BICDL1: variants seen among roughly 807,000 people sequenced by gnomAD.
BICDL1 encodes BICD family-like cargo adapter 1.
Under a neutral mutation model 76.8 loss-of-function variants are expected in BICDL1, and 20 were observed. That is an observed-to-expected ratio of 0.26 (90% CI 0.18 to 0.38). BICDL1 has a LOEUF of 0.38. Ranked by LOEUF, BICDL1 falls within the 10% of genes least tolerant of loss-of-function variation. The probability of loss-of-function intolerance (pLI) is 1.00; values close to 1 mark genes in which losing one functional copy is unlikely to be tolerated. For missense variants in BICDL1, 700 were observed against 798.6 expected (o/e 0.88, Z 1.49); for synonymous variants, 383 against 337.1 (o/e 1.14, Z -1.49).
chr12:119,998,515 A>T lies in BICDL1; in HGVS notation c.430-6A>T. 6.3e-7 allele frequency: 1 copy of T among 1,594,190 alleles called. No individual in the cohort carries two copies. Among genetic ancestry groups the T allele is most frequent in the Non-Finnish European group, 8.5e-7 (1 of 1,171,414 alleles). On this transcript the variant is annotated splice_region_variant and splice_polypyrimidine_tract_variant and intron_variant, in intron 1 of 9. Transcript: ENST00000548673. Reference sequence around the variant, plus strand: ...CAGTGTTTAAATCCCTTCACTTTTCACCCAGCACTTAGAGCAAGAGAAACA... The same window carrying T: ...CAGTGTTTAAATCCCTTCACTTTTCTCCCAGCACTTAGAGCAAGAGAAACA...
intron 9 of BICDL1, chr12:120,092,509 T>C: frequency 1.0e-6 from 1 of 985,362 alleles, no homozygotes; most frequent in Non-Finnish European, 1.2e-6. Flanking sequence ...CAGGCTGGAA[T>C]AATTGGAAAG....
intron 2 of BICDL1, among the ~76,000 whole-genome samples, chr12:120,047,240 A>G (rs571919624): frequency 2.6e-5 from 4 of 152,234 alleles, no homozygotes; most frequent in African/African-American, 9.6e-5. Context: ...TTCCCTCACA[A>G]TTGTTAGGGC....
chr12:120,062,888 C>T (rs976490464), intron 3 of BICDL1, among the ~76,000 whole-genome samples: 1 of 152,174 alleles, frequency 6.6e-6, no homozygotes, highest in Non-Finnish European at 1.5e-5. Context: ...CCTCTTTCCT[C>T]ACCCGTTCAT....
intron 2 of BICDL1, among the ~76,000 whole-genome samples, chr12:120,044,850 G>A (rs866854170): frequency 6.6e-5 from 10 of 152,152 alleles, no homozygotes; most frequent in East Asian, 1.9e-4. Flanking sequence ...TGATGCCTCC[G>A]GCTTTGTTCT....
chr12:120,062,741 G>T (rs1420701162), intron 3 of BICDL1, among the ~76,000 whole-genome samples: 1 of 152,028 alleles, frequency 6.6e-6, no homozygotes, highest in African/African-American at 2.4e-5. Context: ...ATGCCTACTG[G>T]TATTGAGCAG....
chr12:119,989,316 CGCCGCT>C lies in BICDL1; in HGVS notation c.-550_-545del, dbSNP rs1566194258. Among the ~76,000 whole-genome samples the C allele has an allele frequency of 1.3e-5, 2 of 150,660 alleles. No homozygotes were observed. The highest frequency in any genetic ancestry group is 4.8e-5 in the African/African-American group (2 of 41,248). ...CTGCAGCAGCAGCAGCCGCCGTCGC[CGCCGCT>C]GCTGCTGGGGCTGCCGCGGAGCCGG... On this transcript the variant is annotated 5_prime_UTR_variant, in exon 1 of 10. Transcript: ENST00000548673.
intron 5 of BICDL1, 49 bp from the exon 6 acceptor site, chr12:120,072,462 A>G (rs761379436): frequency 1.3e-6 from 2 of 1,551,972 alleles, no homozygotes; most frequent in Admixed American, 1.7e-5. Context: ...ATGGCCAGGT[A>G]GCAGTCTTCT....
intron 2 of BICDL1, among the ~76,000 whole-genome samples, chr12:120,040,978 C>T (rs1477571490): frequency 6.6e-6 from 1 of 152,046 alleles, no homozygotes; most frequent in Non-Finnish European, 1.5e-5. Flanking sequence ...AACTCCTGAC[C>T]TCAAGTCATC....
intron 2 of BICDL1, among the ~76,000 whole-genome samples, chr12:120,032,214 A>G (rs575205271): frequency 2.7e-4 from 41 of 152,348 alleles, no homozygotes; most frequent in Non-Finnish European, 4.6e-4. Flanking sequence ...TGAGAAAATG[A>G]GTCCAGAATA....
Position 119,989,860 on chromosome 12 carries a change from G to T in BICDL1, c.-9G>T, listed in dbSNP as rs1238834493. 1.3e-5 allele frequency: 17 copies of T among 1,341,230 alleles called. 1 individual carries two copies. In the South Asian group the frequency reaches 2.1e-4, roughly 17 times the overall value. The allele number at this position is 1,341,230 out of a possible 1,614,324, so 83.1% of individuals were successfully genotyped here. On this transcript the variant is annotated 5_prime_UTR_variant, in exon 1 of 10. Coordinates refer to ENST00000548673, the MANE Select transcript of BICDL1 (RefSeq NM_001367886.1). ...GGCCGCACCGCTGCGGGCTCCGCGC[G>T]CGCGGGCCATGTCCGCTTTCTGCCT...
chr12:120,092,898 TTCTCATC>T (rs1875104819), intron 9 of BICDL1, 95 bp from the exon 10 acceptor site: 3 of 1,470,302 alleles, frequency 2.0e-6, no homozygotes. Flanking sequence ...ACTCATCACA[TTCTCATC>T]TCTCATCTGT....
At position 120,061,692 on chromosome 12, in the gene BICDL1, A is replaced by G; in HGVS notation, c.646-18A>G. The G allele has an allele frequency of 6.5e-7, 1 of 1,545,134 alleles. No homozygotes were observed. The highest frequency in any genetic ancestry group is 2.2e-5 in the East Asian group (1 of 44,602). On this transcript the variant is annotated intron_variant, in intron 2 of 9. Coordinates refer to ENST00000548673, the MANE Select transcript of BICDL1 (RefSeq NM_001367886.1). ...TGCATAACCTCCGAATCAGCTCTGCAGGTCTCCTCTGTTTCAGGCATCAGA... is the reference window on the plus strand; with the variant it reads ...TGCATAACCTCCGAATCAGCTCTGCGGGTCTCCTCTGTTTCAGGCATCAGA...
In BICDL1 at chr12:120,072,612, C is replaced by T; in HGVS notation, c.1191C>T (p.Ser397=). 1 of 1,614,220 alleles carries T rather than the reference C, an allele frequency of 6.2e-7. No individual in the cohort carries two copies. The highest frequency in any genetic ancestry group is 8.5e-7 in the Non-Finnish European group (1 of 1,180,036). The change falls in exon 6 of 10, where the codon TCC becomes TCT. Residue 397 remains serine (S), a synonymous_variant. Transcript: ENST00000548673. ...SADSAVSTDS[S]MDESSETSSA... ...ACTCAGCCGTCTCCACGGACTCCTC[C>T]ATGGACGAGTCTTCAGAAACCTCGT...
rs148429183 is a variant in BICDL1, at chr12:120,088,856, C to T, written c.1584-1095C>T. Among the ~76,000 whole-genome samples the T allele has an allele frequency of 2.9e-3, 433 of 151,540 alleles. 1 individual carries two copies. The highest frequency in any genetic ancestry group is 8.6e-3 in the African/African-American group (356 of 41,236). ...TAATTTTTGGTATTTTTAGTAGAGA[C>T]GGGGTTTCACTGTTAGCCAGGATGG... On this transcript the variant is annotated intron_variant, in intron 8 of 9. Transcript: ENST00000548673.
At chr12:119,995,022 C>A (rs1434545617) in intron 1 of BICDL1, among the ~76,000 whole-genome samples, 1 of 152,134 alleles carries the variant, frequency 6.6e-6, no homozygotes, top group Non-Finnish European at 1.5e-5. Flanking sequence ...TACCATATTA[C>A]ATTTAGTTTT....
chr12:120,068,158 C>T (rs1175882059), intron 4 of BICDL1, among the ~76,000 whole-genome samples: 2 of 152,232 alleles, frequency 1.3e-5, no homozygotes, highest in Admixed American at 1.3e-4. Context: ...CCAGCCACCC[C>T]AGTCTGCATT....
intron 2 of BICDL1, among the ~76,000 whole-genome samples, chr12:120,037,421 G>A (rs1284593795): frequency 6.6e-6 from 1 of 151,932 alleles, no homozygotes; most frequent in Non-Finnish European, 1.5e-5. Context: ...GTCTTTTTAA[G>A]CTTCCCTGCT....
At position 120,061,819 on chromosome 12, in the gene BICDL1, A is replaced by G; in HGVS notation, c.755A>G (p.Gln252Arg). The G allele has an allele frequency of 7.4e-6, 12 of 1,612,960 alleles. 1 individual carries two copies. The highest frequency in any genetic ancestry group is 8.5e-6 in the Non-Finnish European group (10 of 1,178,924). The change falls in exon 3 of 10, where the codon CAG (glutamine) becomes CGG (arginine). Residue 252 changes from glutamine (Q) to arginine (R), a missense_variant. By Grantham distance (43) the Gln-to-Arg change is conservative. Around this residue, in one of 3 missense-constraint regions of BICDL1, gnomAD observed 455 missense variants for 548.7 expected, o/e 0.83. Coordinates refer to ENST00000548673, the MANE Select transcript of BICDL1 (RefSeq NM_001367886.1). ...CACATTATCCGGCTGGAGAGCCTTC[A>G]GGCCGAGGTGAGCCTCCCGACACAG... ...NQHIIRLESLQAEIKMLSDRK... is the reference protein window; with the variant it reads ...NQHIIRLESLRAEIKMLSDRK...
At position 119,989,991 on chromosome 12, in the gene BICDL1, C is replaced by A. The variant is rs753569983; in HGVS notation, c.123C>A (p.Ala41=). ...CAGTCCGGAGTCCCGCCGCCGCCGCCGCCCTCATCTTCCCCGGGGGCTCCG... is the reference window on the plus strand; with the variant it reads ...CAGTCCGGAGTCCCGCCGCCGCCGCAGCCCTCATCTTCCCCGGGGGCTCCG... ...GDAVRSPAAA[A]ALIFPGGSGE... is the part of the protein sequence containing the mutation. The change falls in exon 1 of 10, where the codon GCC becomes GCA. Residue 41 remains alanine, a synonymous_variant. Coordinates refer to ENST00000548673, the MANE Select transcript of BICDL1 (RefSeq NM_001367886.1). The A allele has an allele frequency of 6.8e-7, 1 of 1,477,284 alleles. No homozygotes were observed. The highest frequency in any genetic ancestry group is 8.9e-7 in the Non-Finnish European group (1 of 1,127,828). The allele number at this position is 1,477,284 out of a possible 1,614,324, so 91.5% of individuals were successfully genotyped here.
Sources: allele counts gnomAD v4.1 joint callset (sites outside exome capture counted in the v4.1 genomes callset), GRCh38; gene constraint gnomAD v4.1.1; regional missense constraint gnomAD v4.1.1; transcripts MANE v1.5; gene names NCBI Gene and HGNC (gene_info 2026-07-23, HGNC 2026-07-21).